RUBCN: variants seen among roughly 807,000 people sequenced by gnomAD.
RUBCN encodes run domain Beclin-1-interacting and cysteine-rich domain-containing protein.
In RUBCN, 74 loss-of-function variants were observed where a neutral mutation model predicts 113.2. The observed-to-expected ratio is 0.65, with a 90% CI of 0.54 to 0.79. RUBCN has a LOEUF of 0.79. Among genes scored for constraint, RUBCN ranks in the 30% least tolerant of loss-of-function variants. RUBCN has a pLI of 0.00. For missense variants in RUBCN, 1,109 were observed against 1,251.7 expected, an observed-to-expected ratio of 0.89 and a Z score of 1.72; for synonymous variants, 480 against 490.0, an observed-to-expected ratio of 0.98 and a Z score of 0.27.
At chr3:197,734,352 T>C (rs1196296252) in intron 1 of RUBCN, among the ~76,000 whole-genome samples, 3 of 150,132 alleles carry the variant, frequency 2.0e-5, no homozygotes, top group African/African-American at 7.4e-5. Context: ...GGAGAATATC[T>C]TGAGCCCAGG....
chr3:197,726,129 T>TACC, intron 1 of RUBCN, among the ~76,000 whole-genome samples: 1 of 152,258 alleles, frequency 6.6e-6, no homozygotes, highest in Admixed American at 6.5e-5. Flanking sequence ...GATGTCGCTA[T>TACC]ACCATTCCTT....
intron 7 of RUBCN, chr3:197,699,081 A>G: frequency 1.3e-6 from 1 of 791,456 alleles, no homozygotes; most frequent in South Asian, 1.5e-5. Flanking sequence ...TCACAACAAG[A>G]CCAGGCTAGC....
intron 7 of RUBCN, among the ~76,000 whole-genome samples, chr3:197,698,206 T>C (rs571792779): frequency 8.9e-4 from 136 of 152,388 alleles, no homozygotes; most frequent in African/African-American, 2.9e-3. Context: ...TTATCTGCCT[T>C]CTTCCAATTT....
intron 1 of RUBCN, among the ~76,000 whole-genome samples, chr3:197,728,823 G>A (rs565433889): frequency 1.3e-5 from 2 of 152,308 alleles, no homozygotes; most frequent in South Asian, 4.1e-4. Context: ...CTAAAGGAGC[G>A]TCATTTAAGG....
In RUBCN at chr3:197,699,213, G is replaced by A. The variant is rs764266027; in HGVS notation, c.1261+1400C>T. ...TGCAATGGGATCTTCAACTATAATG[G>A]TGATATTCCTGGGGCCTCCTGCCGG... On this transcript the variant is annotated intron_variant, in intron 7 of 19. Transcript: ENST00000296343. 5.1e-5 allele frequency: 79 copies of A among 1,550,034 alleles called. No homozygotes were observed. Among genetic ancestry groups the A allele is most frequent in the Non-Finnish European group, 6.5e-5 (74 of 1,145,612 alleles).
In RUBCN at chr3:197,674,884, A is replaced by ATC; in HGVS notation, c.*133_*134insGA. On this transcript the variant is annotated 3_prime_UTR_variant, in exon 20 of 20. Coordinates refer to ENST00000296343, the MANE Select transcript of RUBCN (RefSeq NM_014687.4). ...CACAGACGTCAGACAAGTCAGTAAA[A>ATC]AAAAAAAAAAAGATGATGATAATTA... 1 of 727,666 alleles carries ATC rather than the reference A, an allele frequency of 1.4e-6. No homozygotes were observed. The highest frequency in any genetic ancestry group is 2.1e-6 in the Non-Finnish European group (1 of 478,736). The allele number at this position is 727,666 out of a possible 1,614,324, so 45.1% of individuals were successfully genotyped here.
At chr3:197,731,802 ACCC>A (rs1187534147) in intron 1 of RUBCN, among the ~76,000 whole-genome samples, 1 of 147,812 alleles carries the variant, frequency 6.8e-6, no homozygotes, top group African/African-American at 2.5e-5. Context: ...CGGGGGGCTG[ACCC>A]CCCCACCTCC....
intron 11 of RUBCN, among the ~76,000 whole-genome samples, chr3:197,688,412 T>C (rs1167638963): frequency 6.6e-6 from 1 of 152,232 alleles, no homozygotes; most frequent in Non-Finnish European, 1.5e-5. Context: ...GCTTCTCCTG[T>C]GTACTCTTGA....
At chr3:197,717,448 A>AT (rs1725671604) in intron 2 of RUBCN, among the ~76,000 whole-genome samples, 1 of 151,738 alleles carries the variant, frequency 6.6e-6, no homozygotes, top group African/African-American at 2.4e-5. Context: ...CGTCTCAAAA[A>AT]AAAAAAGGGG....
At chr3:197,736,581 C>A in intron 1 of RUBCN, 74 bp downstream of exon 1, 1 of 1,454,822 alleles carries the variant, frequency 6.9e-7, no homozygotes. Context: ...CTCTCCGTGA[C>A]CCCGCGCCCT....
At chr3:197,747,670 C>G (rs1003545950) in intron 1 of RUBCN, among the ~76,000 whole-genome samples, 9 of 152,190 alleles carry the variant, frequency 5.9e-5, no homozygotes, top group Admixed American at 2.6e-4. Flanking sequence ...AGGATCCTCT[C>G]TGTAGTTTAC....
chr3:197,734,532 C>T (rs1727902754), intron 1 of RUBCN, among the ~76,000 whole-genome samples: 1 of 152,140 alleles, frequency 6.6e-6, no homozygotes, highest in Non-Finnish European at 1.5e-5. Context: ...GCTTTCTCAT[C>T]TGTGACACAG....
chr3:197,696,914 G>C, intron 8 of RUBCN, 40 bp downstream of exon 8: 1 of 1,120,136 alleles, frequency 8.9e-7, no homozygotes, highest in Non-Finnish European at 1.4e-6. Flanking sequence ...GGTGAGCAGA[G>C]AAAATATACA....
rs755452397 is a variant in RUBCN, at chr3:197,674,546, C to T, written c.*472G>A. The T allele has an allele frequency of 1.9e-6, 1 of 518,888 alleles. No homozygotes were observed. The highest frequency in any genetic ancestry group is 4.0e-6 in the Non-Finnish European group (1 of 252,786). 32.1% of individuals were successfully genotyped at this position (518,888 alleles called of 1,614,324 possible). A position where few individuals can be genotyped will look rare whatever the true frequency, so the allele number is the denominator to read the frequency against. On this transcript the variant is annotated 3_prime_UTR_variant, in exon 20 of 20. Transcript: ENST00000296343. Reference sequence around the variant, plus strand: ...TTCTCCTCGGGGCACAGTCTGACCCCAGTCCAGGACAGGGAGAGGGAAAAC... The same window carrying T: ...TTCTCCTCGGGGCACAGTCTGACCCTAGTCCAGGACAGGGAGAGGGAAAAC...
At position 197,736,687 on chromosome 3, in the gene RUBCN, T is replaced by G. The variant is rs1728173600; in HGVS notation, c.33A>C (p.Gly11=). The G allele has an allele frequency of 6.5e-7, 1 of 1,531,884 alleles. No individual in the cohort carries two copies. The highest frequency in any genetic ancestry group is 8.7e-7 in the Non-Finnish European group (1 of 1,145,980). 94.9% of individuals were successfully genotyped at this position (1,531,884 alleles called of 1,614,324 possible). Residue 11 remains glycine, a synonymous_variant, in exon 1 of 20, where the codon GGA becomes GGC. Transcript: ENST00000296343. Reference sequence around the variant, plus strand: ...CCTCAGGCAGGCGCTCCTCGCCGCCTCCGAGCTCCATTCCCGCGCCCTCCG... The same window carrying G: ...CCTCAGGCAGGCGCTCCTCGCCGCCGCCGAGCTCCATTCCCGCGCCCTCCG... MRPEGAGMEL[G]GGEERLPEES...
intron 2 of RUBCN, among the ~76,000 whole-genome samples, chr3:197,716,197 A>G (rs9877067): frequency 0.11 from 17,199 of 152,226 alleles, 1,192 homozygotes; most frequent in African/African-American, 0.18. Context: ...GCACGGTCTC[A>G]GCTCACTGCA....
chr3:197,688,024 G>A (rs1055963332), intron 11 of RUBCN, among the ~76,000 whole-genome samples: 3 of 152,030 alleles, frequency 2.0e-5, no homozygotes, highest in Admixed American at 6.6e-5. Context: ...TGCTCCTCCT[G>A]TGCACCCCCT....
At chr3:197,747,488 T>C (rs1230327853) in intron 1 of RUBCN, among the ~76,000 whole-genome samples, 2 of 152,016 alleles carry the variant, frequency 1.3e-5, no homozygotes, top group Admixed American at 1.3e-4. Flanking sequence ...CCCAAAGTGC[T>C]GGGATTACAA....
Position 197,700,910 on chromosome 3 carries a change from G to A in RUBCN, c.964C>T (p.Pro322Ser). 1 of 1,614,188 alleles carries A rather than the reference G, an allele frequency of 6.2e-7. No individual in the cohort carries two copies. The highest frequency in any genetic ancestry group is 2.2e-5 in the East Asian group (1 of 44,882). Residue 322 changes from proline to serine, a missense_variant, in exon 7 of 20, where the codon CCT (proline) becomes TCT (serine). Around this residue, in one of 3 missense-constraint regions of RUBCN, gnomAD observed 736 missense variants for 779.6 expected, o/e 0.94. Coordinates refer to ENST00000296343, the MANE Select transcript of RUBCN (RefSeq NM_014687.4). ...NDSPGDASEG[P>S]EYLAIGNLDP... ...AAGTTGCCAATGGCCAGGTACTCAG[G>A]CCCCTCACTGGCATCACCTGGGGAA...
Sources: gnomAD v4.1 joint callset for allele counts (sites outside exome capture counted in the v4.1 genomes callset) on GRCh38, gnomAD v4.1.1 for gene constraint, gnomAD v4.1.1 regional missense constraint, MANE v1.5 for transcripts, NCBI Gene and HGNC (gene_info 2026-07-23, HGNC 2026-07-21) for gene names.